The following MAP3K3 variants were observed in gnomAD, a reference collection of about 807,000 sequenced individuals.
The protein encoded by MAP3K3 is mitogen-activated protein kinase kinase kinase 3, also known as MAP/ERK kinase kinase 3.
Under a neutral mutation model 80.9 loss-of-function variants are expected in MAP3K3, and 12 were observed. That is an observed-to-expected ratio of 0.15 (90% CI 0.10 to 0.24). MAP3K3 has a LOEUF of 0.24. Among genes scored for constraint, MAP3K3 ranks in the 10% least tolerant of loss-of-function variants. The pLI, the probability that MAP3K3 is intolerant of heterozygous loss-of-function variation, is 1.00. For synonymous variants in MAP3K3, 272 were observed against 307.1 expected (o/e 0.89, Z 1.19); for missense variants, 596 against 834.7 (o/e 0.71, Z 3.52).
intron 1 of MAP3K3, among the ~76,000 whole-genome samples, chr17:63,623,062 G>A (rs1423518495): frequency 6.6e-6 from 1 of 151,724 alleles, no homozygotes; most frequent in African/African-American, 2.4e-5. Context: ...GCTCCGCGGG[G>A]CAGCCTGGTC....
chr17:63,639,512 T>A (rs2143239851), intron 2 of MAP3K3, among the ~76,000 whole-genome samples: 1 of 152,312 alleles, frequency 6.6e-6, no homozygotes, highest in South Asian at 2.1e-4. Flanking sequence ...TATCACTGAT[T>A]ACCTTATGAA....
chr17:63,681,815 G>A lies in MAP3K3; in HGVS notation c.552G>A (p.Glu184=), dbSNP rs533770034. The A allele has an allele frequency of 1.3e-6, 2 of 1,549,568 alleles. No homozygotes were observed. The highest frequency in any genetic ancestry group is 2.4e-5 in the East Asian group (1 of 41,168). ...RSSPPPGYVP[E]RQQHIARQGS... is the part of the protein sequence containing the mutation. ...CACCTCCCCCTGGCTATGTTCCTGA[G>A]CGGCAGCAGCACATTGCCCGGCAGG... Residue 184 remains glutamate (E), a synonymous_variant, in exon 7 of 16, where the codon GAG becomes GAA. Coordinates refer to ENST00000361733, the MANE Select transcript of MAP3K3 (RefSeq NM_002401.5).
rs776273449 is a variant in MAP3K3 at position 63,632,768 on chromosome 17, TGAA to T, written c.96_98del (p.Lys32del). The stretch of plus-strand genomic sequence containing the variant: ...CACCGGATGCCTGGATATGAGACCA[TGAA>T]GAACAAAGACACAGGTCACTCAAAT... On this transcript the variant is annotated inframe_deletion, in exon 2 of 16. Transcript: ENST00000361733. 119 of 1,614,050 alleles carry T rather than the reference TGAA, an allele frequency of 7.4e-5. 3 individuals are homozygous for T. In the South Asian group the frequency reaches 1.3e-3, roughly 17 times the overall value.
intron 2 of MAP3K3, chr17:63,634,827 G>A (rs745987896): frequency 3.2e-6 from 5 of 1,582,748 alleles, no homozygotes; most frequent in Non-Finnish European, 4.3e-6. Flanking sequence ...ACCTGTTAAA[G>A]CCAAAATGTA....
chr17:63,693,645 C>A lies in MAP3K3; in HGVS notation c.1749C>A (p.Pro583=). Residue 583 remains proline (P), a synonymous_variant, in exon 16 of 16, where the codon CCC becomes CCA. Transcript: ENST00000361733. The surrounding 1 kb of genome is among the most constrained non-coding windows in gnomAD (Gnocchi z 4.2). ...MAAIFKIATQ[P]TNPQLPSHIS... ...CCATCTTCAAGATTGCCACCCAGCCCACCAATCCTCAGCTGCCCTCCCACA... is the reference window on the plus strand; with the variant it reads ...CCATCTTCAAGATTGCCACCCAGCCAACCAATCCTCAGCTGCCCTCCCACA... 1 of 1,610,084 alleles carries A rather than the reference C, an allele frequency of 6.2e-7. No individual in the cohort carries two copies. The highest frequency in any genetic ancestry group is 1.7e-5 in the Admixed American group (1 of 59,424).
chr17:63,684,705 T>A (rs2035411533), intron 7 of MAP3K3, among the ~76,000 whole-genome samples: 1 of 152,212 alleles, frequency 6.6e-6, no homozygotes, highest in Non-Finnish European at 1.5e-5. Context: ...TTGCCCAGGC[T>A]GGTCTTGAAC....
intron 1 of MAP3K3, among the ~76,000 whole-genome samples, chr17:63,624,198 G>A (rs1172092085): frequency 6.6e-6 from 1 of 152,158 alleles, no homozygotes; most frequent in Admixed American, 6.5e-5. Context: ...TTTTTTTATA[G>A]ATGAGACACA....
At position 63,692,971 on chromosome 17, in the gene MAP3K3, C is replaced by T. The variant is rs1042457088; in HGVS notation, c.1652+552C>T. ...AGGGTTTTGAGATGGATGGATTATC[C>T]TGGATTAAGGGTCCTTACAGAAGGG... On this transcript the variant is annotated intron_variant, in intron 15 of 15. Transcript: ENST00000361733. This position sits in a 1 kb window ranked among gnomAD's most constrained non-coding sequence, Gnocchi z 4.5. 2.6e-5 allele frequency among the ~76,000 whole-genome samples: 4 copies of T among 152,148 alleles called. No homozygotes were observed. The highest frequency in any genetic ancestry group is 7.2e-5 in the African/African-American group (3 of 41,430).
chr17:63,686,160 C>A (rs1161049904), intron 8 of MAP3K3, among the ~76,000 whole-genome samples: 2 of 152,180 alleles, frequency 1.3e-5, no homozygotes, highest in African/African-American at 4.8e-5. Flanking sequence ...TTGCCACTCC[C>A]TCGCCTCTGC....
chr17:63,678,839 G>T (rs1427557591), intron 6 of MAP3K3, among the ~76,000 whole-genome samples: 1 of 151,880 alleles, frequency 6.6e-6, no homozygotes, highest in Non-Finnish European at 1.5e-5. Flanking sequence ...AGACCAGCCT[G>T]GCCAACATGG....
rs1442539458 is a variant in MAP3K3 at position 63,685,432 on chromosome 17, A to G, written c.637-85A>G. On this transcript the variant is annotated intron_variant, in intron 7 of 15. Transcript: ENST00000361733. ...CTTTCATGTTTTGACAAAAAGGCCCATTTGCTGGCCCTTGCCATAAAGCCT... is the reference window on the plus strand; with the variant it reads ...CTTTCATGTTTTGACAAAAAGGCCCGTTTGCTGGCCCTTGCCATAAAGCCT... 26 of 1,047,582 alleles carry G rather than the reference A, an allele frequency of 2.5e-5. No individual in the cohort carries two copies. The Admixed American group carries it at 4.4e-4, about 18-fold the overall frequency. The allele number at this position is 1,047,582 out of a possible 1,614,324, so 64.9% of individuals were successfully genotyped here.
intron 2 of MAP3K3, among the ~76,000 whole-genome samples, chr17:63,640,120 A>T (rs2034410729): frequency 6.6e-6 from 1 of 152,154 alleles, no homozygotes; most frequent in South Asian, 2.1e-4. Flanking sequence ...CAATGTTAGA[A>T]ATAGTGACAC....
At chr17:63,657,676 T>G (rs977175079) in intron 4 of MAP3K3, 118 bp from the exon 5 acceptor site, 1 of 516,256 alleles carries the variant, frequency 1.9e-6, no homozygotes, top group Non-Finnish European at 3.5e-6. Flanking sequence ...TAGTATCCAG[T>G]GAGATTGTTT....
intron 8 of MAP3K3, among the ~76,000 whole-genome samples, chr17:63,685,973 T>G (rs1487998244): frequency 1.3e-5 from 2 of 152,184 alleles, no homozygotes; most frequent in African/African-American, 4.8e-5. Context: ...CATTTTTTAT[T>G]CCAAGTGTTT....
At chr17:63,641,765 A>T (rs1168966044) in intron 2 of MAP3K3, among the ~76,000 whole-genome samples, 1 of 152,164 alleles carries the variant, frequency 6.6e-6, no homozygotes, top group Non-Finnish European at 1.5e-5. Flanking sequence ...TTAGAGGCCC[A>T]CTGAGAAGTT....
intron 6 of MAP3K3, among the ~76,000 whole-genome samples, chr17:63,673,406 A>AT (rs2035150072): frequency 7.3e-6 from 1 of 137,730 alleles, no homozygotes; most frequent in Non-Finnish European, 1.6e-5. Context: ...ACAGAAACAA[A>AT]CAAAAAAAAC....
In MAP3K3 at chr17:63,693,541, C is replaced by T. The variant is rs373504394; in HGVS notation, c.1653-8C>T. 10 of 1,597,712 alleles carry T rather than the reference C, an allele frequency of 6.3e-6. 1 individual carries two copies. The African/African-American group carries it at 1.4e-4, about 22-fold the overall frequency. On this transcript the variant is annotated splice_polypyrimidine_tract_variant and splice_region_variant and intron_variant, in intron 15 of 15. Coordinates refer to ENST00000361733, the MANE Select transcript of MAP3K3 (RefSeq NM_002401.5). This position sits in a 1 kb window ranked among gnomAD's most constrained non-coding sequence, Gnocchi z 4.2. ...GCTGAGGGGTGACACGGGGTTCTCTCTTTCCAGGAGCCTGGGCTGCACTGT... is the reference window on the plus strand; with the variant it reads ...GCTGAGGGGTGACACGGGGTTCTCTTTTTCCAGGAGCCTGGGCTGCACTGT...
At chr17:63,681,298 C>T (rs996098907) in intron 6 of MAP3K3, among the ~76,000 whole-genome samples, 5 of 151,896 alleles carry the variant, frequency 3.3e-5, no homozygotes, top group African/African-American at 9.7e-5. Context: ...GAGAGATGCA[C>T]AGGTATATTC....
At chr17:63,652,705 C>A (rs763348565) in intron 4 of MAP3K3, 49 bp downstream of exon 4, 1 of 1,215,858 alleles carries the variant, frequency 8.2e-7, no homozygotes, top group Non-Finnish European at 1.2e-6. Context: ...AGATGCCTAC[C>A]TTTTTTCTCT....
Sources: gnomAD v4.1 joint callset for allele counts (sites outside exome capture counted in the v4.1 genomes callset) on GRCh38, gnomAD v4.1.1 for gene constraint, Gnocchi (gnomAD v3.1) non-coding constraint, MANE v1.5 for transcripts, NCBI Gene and HGNC (gene_info 2026-07-23, HGNC 2026-07-21) for gene names.